PLCXD1: variants seen among roughly 807,000 people sequenced by gnomAD.
PLCXD1 encodes phosphatidylinositol specific phospholipase C X domain containing 1.
A neutral mutation model predicts 37.8 loss-of-function variants in PLCXD1; 45 were observed. That is an observed-to-expected ratio of 1.19 (90% CI 0.94 to 1.53). The LOEUF (loss-of-function observed/expected upper bound fraction) is 1.53, where lower values mean the gene tolerates loss of function less well. PLCXD1 is among the 40% of genes most tolerant of loss of function. The probability of loss-of-function intolerance (pLI) is 0.00; values close to 1 mark genes in which losing one functional copy is unlikely to be tolerated. For missense variants in PLCXD1, 539 were observed against 454.7 expected (o/e 1.19, Z -1.69); for synonymous variants, 246 against 206.9 (o/e 1.19, Z -1.62).
At chrX:282,938 ATATATATTATATATATATTATATATG>A (rs2069316269) in intron 1 of PLCXD1, among the ~76,000 whole-genome samples, 1 of 116,888 alleles carries the variant, frequency 8.6e-6, no homozygotes, top group African/African-American at 4.1e-5. Flanking sequence ...TGTATGTTAT[ATATATATTATATATATATTATATATG>A]TATATATTAT....
At chrX:287,515 A>G (rs769408625) in intron 2 of PLCXD1, among the ~76,000 whole-genome samples, 10 of 114,178 alleles carry the variant, frequency 8.8e-5, no homozygotes, top group Non-Finnish European at 1.6e-4. Flanking sequence ...ATATGTTTAT[A>G]TATAGATATA....
intron 6 of PLCXD1, among the ~76,000 whole-genome samples, chrX:296,043 C>T (rs1202426722): frequency 6.6e-6 from 1 of 152,070 alleles, no homozygotes; most frequent in Admixed American, 6.6e-5. Flanking sequence ...AACTCCCGAC[C>T]TCAGGTGATC....
chrX:278,991 C>T (rs1855295758), upstream of PLCXD1, among the ~76,000 whole-genome samples: 1 of 152,084 alleles, frequency 6.6e-6, no homozygotes, highest in Non-Finnish European at 1.5e-5. Flanking sequence ...TGCAAGTGGG[C>T]TGAGTCCGAA....
chrX:285,633 GCA>G (rs1380317502), intron 2 of PLCXD1, among the ~76,000 whole-genome samples: 1 of 151,690 alleles, frequency 6.6e-6, no homozygotes, highest in African/African-American at 2.4e-5. Context: ...ACATGCACAT[GCA>G]CACGCGTGTA....
chrX:280,369 GGGGGAAGGGAGGCCGT>G (rs2069240055), upstream of PLCXD1, among the ~76,000 whole-genome samples: 2 of 70,874 alleles, frequency 2.8e-5, 1 homozygote, highest in Admixed American at 2.9e-4. Flanking sequence ...GGGCCGTGCA[GGGGGAAGGGAGGCCGT>G]GCAGGGGGAA....
At chrX:294,326 C>A (rs1010665534) in intron 6 of PLCXD1, among the ~76,000 whole-genome samples, 27 of 151,904 alleles carry the variant, frequency 1.8e-4, no homozygotes, top group Non-Finnish European at 3.2e-4. Context: ...ACTAAAAATA[C>A]AAAAAATTAG....
At chrX:291,117 C>T (rs901114126) in intron 4 of PLCXD1, among the ~76,000 whole-genome samples, 9 of 151,792 alleles carry the variant, frequency 5.9e-5, no homozygotes, top group Admixed American at 2.0e-4. Flanking sequence ...ACACTGACCC[C>T]GCCAATCCGT....
At position 289,510 on chromosome X, in the gene PLCXD1, C is replaced by CTTTTTTTTTTTTT. The variant is rs1281823641; in HGVS notation, c.264+646_264+647insTTTTTTTTTTTTT. On this transcript the variant is annotated intron_variant, in intron 3 of 6. Coordinates refer to ENST00000381657, the MANE Select transcript of PLCXD1 (RefSeq NM_018390.4). The stretch of plus-strand genomic sequence containing the variant: ...AGAGACAACACCTTTCTTTTTCTTT[C>CTTTTTTTTTTTTT]TTTTTCTTTTTTTTTTTTTTGAGAC... Among the ~76,000 whole-genome samples, 20 of 97,786 alleles carry CTTTTTTTTTTTTT rather than the reference C, an allele frequency of 2.0e-4. 1 individual carries two copies. The highest frequency in any genetic ancestry group is 2.7e-4 in the East Asian group (1 of 3,728). 64.2% of individuals were successfully genotyped at this position (97,786 alleles called of 152,430 possible). A position where few individuals can be genotyped will look rare whatever the true frequency, so the allele number is the denominator to read the frequency against.
At chrX:299,034 G>A (rs1382407189) in intron 6 of PLCXD1, 63 bp from the exon 7 acceptor site, 2 of 1,202,626 alleles carry the variant, frequency 1.7e-6, no homozygotes, top group African/African-American at 1.5e-5. Context: ...ATGTGACTAG[G>A]AGGGAGAAAC....
rs1312194726 is a variant in PLCXD1 at position 297,080 on chromosome X, A to T, written c.734-2017A>T. On this transcript the variant is annotated intron_variant, in intron 6 of 6. Transcript: ENST00000381657. The stretch of plus-strand genomic sequence containing the variant: ...CTTTGGGGACATTATTCTGTCTCCC[A>T]CATGGGGATCAGGACGTGGACATCT... 6.5e-5 allele frequency among the ~76,000 whole-genome samples: 3 copies of T among 46,080 alleles called. 1 individual carries two copies. Among genetic ancestry groups the T allele is most frequent in the Admixed American group, 3.5e-4 (2 of 5,720 alleles). The allele number at this position is 46,080 out of a possible 152,430, so 30.2% of individuals were successfully genotyped here. A position where few individuals can be genotyped will look rare whatever the true frequency, so the allele number is the denominator to read the frequency against.
rs1431875493 is a variant in PLCXD1, at chrX:299,340, A to T, written c.*5A>T. ...CAGAAGCTGCTGTGGTGCTGACGGG[A>T]CCCTTCTGAAGTTCGGGACGCGGCG... On this transcript the variant is annotated 3_prime_UTR_variant, in exon 7 of 7. Transcript: ENST00000381657. 1 of 1,603,244 alleles carries T rather than the reference A, an allele frequency of 6.2e-7. No homozygotes were observed. Among genetic ancestry groups the T allele is most frequent in the South Asian group, 1.1e-5 (1 of 90,904 alleles).
intron 2 of PLCXD1, among the ~76,000 whole-genome samples, chrX:285,598 CAT>C (rs1239718502): frequency 2.0e-5 from 3 of 152,000 alleles, no homozygotes; most frequent in Admixed American, 1.3e-4. Flanking sequence ...CATGAATGCA[CAT>C]ATGCACACGT....
intron 2 of PLCXD1, 134 bp from the exon 3 acceptor site, chrX:288,599 A>T: frequency 1.1e-6 from 1 of 930,136 alleles, no homozygotes; most frequent in Non-Finnish European, 1.7e-6. Context: ...GTCAGCGTGC[A>T]CCCCTCCCGC....
intron 2 of PLCXD1, among the ~76,000 whole-genome samples, chrX:285,382 A>C (rs1021252868): frequency 6.6e-6 from 1 of 152,072 alleles, no homozygotes; most frequent in African/African-American, 2.4e-5. Flanking sequence ...ATGTATATAT[A>C]TATTTGCACC....
intron 6 of PLCXD1, among the ~76,000 whole-genome samples, chrX:296,386 G>C (rs1271678711): frequency 3.3e-5 from 5 of 152,084 alleles, no homozygotes; most frequent in Non-Finnish European, 7.4e-5. Flanking sequence ...ACCTCTCAAC[G>C]TGCTGGGATG....
rs780768410 is a variant in PLCXD1, at chrX:299,086, C to T, written c.734-11C>T. Reference sequence around the variant, plus strand: ...TGACCGTGTAACCTCTCCCCACCCTCACCGTTGCAGGAGGGTTGTTCGTGG... The same window carrying T: ...TGACCGTGTAACCTCTCCCCACCCTTACCGTTGCAGGAGGGTTGTTCGTGG... On this transcript the variant is annotated splice_polypyrimidine_tract_variant and intron_variant, in intron 6 of 6. Transcript: ENST00000381657. The T allele has an allele frequency of 3.6e-5, 57 of 1,603,882 alleles. No individual in the cohort carries two copies. The Admixed American group carries it at 9.3e-4, about 26-fold the overall frequency.
Position 302,276 on chromosome X carries a change from C to CG in PLCXD1, c.*2941_*2942insG, listed in dbSNP as rs1401075903. 1 of 151,596 alleles carries CG rather than the reference C, an allele frequency of 6.6e-6. No individual in the cohort carries two copies. The highest frequency in any genetic ancestry group is 1.5e-5 in the Non-Finnish European group (1 of 67,942). The allele number at this position is 151,596 out of a possible 1,614,324, so 9.4% of individuals were successfully genotyped here. Reference sequence around the variant, plus strand: ...TCCTACAGGTACAAGGGAGACCCCCCCCCCACGGAAGGCGCCCCCAGTCCG... The same window carrying CG: ...TCCTACAGGTACAAGGGAGACCCCCCGCCCCACGGAAGGCGCCCCCAGTCCG... On this transcript the variant is annotated 3_prime_UTR_variant, in exon 7 of 7. Coordinates refer to ENST00000381657, the MANE Select transcript of PLCXD1 (RefSeq NM_018390.4).
intron 3 of PLCXD1, among the ~76,000 whole-genome samples, chrX:289,074 G>A (rs1255370216): frequency 6.6e-6 from 1 of 152,122 alleles, no homozygotes; most frequent in Non-Finnish European, 1.5e-5. Context: ...GTGGAAGAGA[G>A]GGGAACAGTG....
chrX:283,015 AT>A (rs1237718404), intron 1 of PLCXD1: 6 of 146,556 alleles, frequency 4.1e-5, no homozygotes, highest in African/African-American at 1.5e-4. Context: ...TATATGTTAT[AT>A]ATATGTTATG....
Sources: allele counts gnomAD v4.1 joint callset (sites outside exome capture counted in the v4.1 genomes callset), GRCh38; gene constraint gnomAD v4.1.1; transcripts MANE v1.5; gene names NCBI Gene and HGNC (gene_info 2026-07-23, HGNC 2026-07-21).